CLSTN2: variants seen among roughly 807,000 people sequenced by gnomAD.
CLSTN2 encodes the protein calsyntenin 2.
Under a neutral mutation model 101.2 loss-of-function variants are expected in CLSTN2, and 48 were observed. That is an observed-to-expected ratio of 0.47 (90% CI 0.38 to 0.60). The LOEUF is 0.60. Among genes scored for constraint, CLSTN2 ranks in the 20% least tolerant of loss-of-function variants. CLSTN2 has a pLI of 0.00. For synonymous variants in CLSTN2, 481 were observed against 463.6 expected, an observed-to-expected ratio of 1.04 and a Z score of -0.48; for missense variants, 1,160 against 1,238.2, an observed-to-expected ratio of 0.94 and a Z score of 0.95.
chr3:140,521,048 A>ATTTT, intron 8 of CLSTN2, among the ~76,000 whole-genome samples: 1 of 125,476 alleles, frequency 8.0e-6, no homozygotes, highest in South Asian at 2.6e-4. Context: ...GCTTTTTTGC[A>ATTTT]TTTTTTTTTT....
chr3:140,047,804 C>G (rs1053936245), intron 1 of CLSTN2, among the ~76,000 whole-genome samples: 14 of 152,188 alleles, frequency 9.2e-5, no homozygotes, highest in Non-Finnish European at 7.3e-5. Flanking sequence ...ACACATTAAT[C>G]CATTACTCTA....
chr3:140,171,830 TAAC>T (rs72188620), intron 1 of CLSTN2, among the ~76,000 whole-genome samples: 19,972 of 110,510 alleles, frequency 0.18, 2,004 homozygotes, highest in Non-Finnish European at 0.22. Flanking sequence ...TTATATATAA[TAAC>T]AATATATAAT....
chr3:140,525,996 T>A (rs57256375), intron 8 of CLSTN2, among the ~76,000 whole-genome samples: 186 of 151,986 alleles, frequency 1.2e-3, no homozygotes, highest in African/African-American at 4.3e-3. Flanking sequence ...AAGAGGAACC[T>A]TTCCCCTTGA....
rs138855594 is a variant in CLSTN2, at chr3:140,250,409, G to T, written c.232+74336G>T. On this transcript the variant is annotated intron_variant, in intron 2 of 16. Coordinates refer to ENST00000458420, the MANE Select transcript of CLSTN2 (RefSeq NM_022131.3). ...AATAAACTGGGAGAAAATTTCCATGGCCGGTGGCTACAGCTGAGAGTCACT... is the reference window on the plus strand; with the variant it reads ...AATAAACTGGGAGAAAATTTCCATGTCCGGTGGCTACAGCTGAGAGTCACT... Among the ~76,000 whole-genome samples, 425 of 152,320 alleles carry T rather than the reference G, an allele frequency of 2.8e-3. 1 individual carries two copies. The highest frequency in any genetic ancestry group is 9.5e-3 in the African/African-American group (394 of 41,578).
intron 8 of CLSTN2, among the ~76,000 whole-genome samples, chr3:140,512,809 T>C (rs1008827178): frequency 2.6e-5 from 4 of 152,334 alleles, no homozygotes; most frequent in Middle Eastern, 3.4e-3. Context: ...TTTGTAATTC[T>C]CCTTGAAGAG....
chr3:139,996,339 G>A (rs1433878730), intron 1 of CLSTN2, among the ~76,000 whole-genome samples: 1 of 152,146 alleles, frequency 6.6e-6, no homozygotes, highest in East Asian at 1.9e-4. Context: ...CTTTGGGTAG[G>A]TGGCTGTCCA....
At chr3:140,176,941 T>C (rs2010334381) in intron 2 of CLSTN2, among the ~76,000 whole-genome samples, 1 of 152,244 alleles carries the variant, frequency 6.6e-6, no homozygotes, top group African/African-American at 2.4e-5. Flanking sequence ...TTTCTGACAG[T>C]TTGCCTGCTA....
chr3:140,257,226 C>T (rs2086611392), intron 2 of CLSTN2, among the ~76,000 whole-genome samples: 1 of 152,102 alleles, frequency 6.6e-6, no homozygotes, highest in Non-Finnish European at 1.5e-5. Flanking sequence ...GCCCTTGGTG[C>T]ATGCTACATG....
intron 1 of CLSTN2, among the ~76,000 whole-genome samples, chr3:140,083,480 A>G (rs1189056079): frequency 6.6e-6 from 1 of 152,240 alleles, no homozygotes; most frequent in Non-Finnish European, 1.5e-5. Flanking sequence ...ATTTCAGAAA[A>G]TAAAACCAGG....
intron 8 of CLSTN2, among the ~76,000 whole-genome samples, chr3:140,476,709 A>G (rs915172123): frequency 5.9e-5 from 8 of 135,452 alleles, no homozygotes; most frequent in Non-Finnish European, 1.2e-4. Context: ...TCCAGACTGG[A>G]GTGCAGTGGC....
chr3:140,041,705 G>A (rs1560077097), intron 1 of CLSTN2, among the ~76,000 whole-genome samples: 1 of 152,212 alleles, frequency 6.6e-6, no homozygotes, highest in South Asian at 2.1e-4. Flanking sequence ...GGGCCTCACC[G>A]ACTCCTATGA....
At chr3:140,278,036 C>A (rs1413296244) in intron 2 of CLSTN2, among the ~76,000 whole-genome samples, 2 of 152,206 alleles carry the variant, frequency 1.3e-5, no homozygotes, top group Admixed American at 1.3e-4. Context: ...AGGCTCACCC[C>A]ACTGAAGACC....
At chr3:140,370,418 T>C (rs145218927) in intron 2 of CLSTN2, among the ~76,000 whole-genome samples, 2 of 152,272 alleles carry the variant, frequency 1.3e-5, no homozygotes, top group Non-Finnish European at 2.9e-5. Flanking sequence ...TTGTTCACCC[T>C]GGATTTTTCA....
chr3:140,403,192 A>C (rs2088262871), intron 2 of CLSTN2, among the ~76,000 whole-genome samples: 1 of 152,138 alleles, frequency 6.6e-6, no homozygotes, highest in African/African-American at 2.4e-5. Flanking sequence ...GGGCTCTGGA[A>C]CTCTGGAACT....
Position 140,566,401 on chromosome 3 carries a change from G to A in CLSTN2, c.*148G>A. ...TCCTGGAGCCCACCCTTTAAGCCTT[G>A]GGCACTCCCTGTGTTTCATCCATGG... On this transcript the variant is annotated 3_prime_UTR_variant, in exon 17 of 17. Transcript: ENST00000458420. 1 of 748,496 alleles carries A rather than the reference G, an allele frequency of 1.3e-6. No homozygotes were observed. 46.4% of individuals were successfully genotyped at this position (748,496 alleles called of 1,614,324 possible). A position where few individuals can be genotyped will look rare whatever the true frequency, so the allele number is the denominator to read the frequency against.
chr3:140,484,012 T>C (rs1284376979), intron 8 of CLSTN2, among the ~76,000 whole-genome samples: 2 of 152,360 alleles, frequency 1.3e-5, no homozygotes, highest in Non-Finnish European at 1.5e-5. Flanking sequence ...ATTATGATGT[T>C]AGCTGGTTAT....
At chr3:140,093,766 A>G (rs2008821260) in intron 1 of CLSTN2, among the ~76,000 whole-genome samples, 2 of 152,378 alleles carry the variant, frequency 1.3e-5, no homozygotes, top group South Asian at 2.1e-4. Flanking sequence ...ATTTATAGGT[A>G]TGTATTTAAC....
chr3:140,574,181 C>T lies in CLSTN2; in HGVS notation c.*7928C>T, dbSNP rs932672415. ...CTGGGTTTGAAGAATTAAGACCCCC[C>T]AGTGGAGAAAGCCTCCTCCAACTTC... On this transcript the variant is annotated 3_prime_UTR_variant, in exon 17 of 17. Transcript: ENST00000458420. The T allele has an allele frequency of 2.6e-5, 4 of 152,212 alleles. No individual in the cohort carries two copies. Among genetic ancestry groups the T allele is most frequent in the African/African-American group, 9.7e-5 (4 of 41,440 alleles). The allele number at this position is 152,212 out of a possible 1,614,324, so 9.4% of individuals were successfully genotyped here.
intron 1 of CLSTN2, among the ~76,000 whole-genome samples, chr3:139,946,957 G>A (rs996884873): frequency 6.6e-6 from 1 of 152,188 alleles, no homozygotes; most frequent in Non-Finnish European, 1.5e-5. Context: ...TAGTTTCATT[G>A]AATATGTGTT....
Sources: allele counts gnomAD v4.1 joint callset (sites outside exome capture counted in the v4.1 genomes callset), GRCh38; gene constraint gnomAD v4.1.1; transcripts MANE v1.5; gene names NCBI Gene and HGNC (gene_info 2026-07-23, HGNC 2026-07-21).